Variants in NTM observed in about 807,000 individuals in gnomAD.
NTM encodes the protein IgLON family member 2.
In NTM, 13 loss-of-function variants were observed where a neutral mutation model predicts 42.1. The ratio of observed to expected loss-of-function variants is 0.31; its 90% CI spans 0.20 to 0.49. The LOEUF (loss-of-function observed/expected upper bound fraction) is 0.49. Among genes scored for constraint, NTM ranks in the 20% least tolerant of loss-of-function variants. The probability of loss-of-function intolerance (pLI) is 0.99; values close to 1 mark genes in which losing one functional copy is unlikely to be tolerated. For synonymous variants in NTM, 187 were observed against 179.2 expected (o/e 1.04, Z -0.35); for missense variants, 373 against 452.8 (o/e 0.82, Z 1.60).
chr11:132,188,809 C>G (rs551143630), intron 3 of NTM, among the ~76,000 whole-genome samples: 1 of 152,314 alleles, frequency 6.6e-6, no homozygotes, highest in African/African-American at 2.4e-5. Flanking sequence ...TTAACTGATG[C>G]TAATCTAATC....
chr11:131,683,448 C>G (rs763567620), intron 1 of NTM, among the ~76,000 whole-genome samples: 1 of 152,202 alleles, frequency 6.6e-6, no homozygotes, highest in Non-Finnish European at 1.5e-5. Flanking sequence ...CAATAGGCTC[C>G]AGAAGGAATC....
At chr11:131,978,480 C>A (rs1593347187) in intron 2 of NTM, among the ~76,000 whole-genome samples, 1 of 152,040 alleles carries the variant, frequency 6.6e-6, no homozygotes, top group East Asian at 1.9e-4. Flanking sequence ...AGAAAAAAAA[C>A]AGTAGACCTG....
At chr11:131,643,389 C>T (rs931298735) in intron 1 of NTM, among the ~76,000 whole-genome samples, 16 of 152,162 alleles carry the variant, frequency 1.1e-4, no homozygotes, top group Admixed American at 2.0e-4. Flanking sequence ...CGGGTGTGCG[C>T]GGAGCGGCCC....
At chr11:132,055,742 G>T (rs1594176503) in intron 2 of NTM, among the ~76,000 whole-genome samples, 1 of 152,094 alleles carries the variant, frequency 6.6e-6, no homozygotes, top group South Asian at 2.1e-4. Flanking sequence ...GTGGTAGTGT[G>T]CACATAAGAC....
At chr11:131,564,460 G>A (rs57055461) in intron 1 of NTM, among the ~76,000 whole-genome samples, 13,686 of 130,468 alleles carry the variant, frequency 0.1, 1,990 homozygotes, top group African/African-American at 0.39. Context: ...GAGAGAGGGA[G>A]GGAGAGAGAG....
intron 2 of NTM, among the ~76,000 whole-genome samples, chr11:132,072,077 GC>G (rs1285895774): frequency 6.6e-6 from 1 of 152,122 alleles, no homozygotes; most frequent in Non-Finnish European, 1.5e-5. Context: ...CATGCCTGAT[GC>G]CCCCAAGTCA....
intron 1 of NTM, among the ~76,000 whole-genome samples, chr11:131,442,272 C>T (rs1949682971): frequency 5.3e-5 from 8 of 152,160 alleles, no homozygotes; most frequent in Admixed American, 5.2e-4. Flanking sequence ...GAGACTGAGA[C>T]TCACATTTTA....
At chr11:131,389,473 C>T (rs1943748192) in intron 1 of NTM, among the ~76,000 whole-genome samples, 1 of 152,200 alleles carries the variant, frequency 6.6e-6, no homozygotes, top group Non-Finnish European at 1.5e-5. Flanking sequence ...CGTGAGCCGC[C>T]CTACTTCCCG....
intron 1 of NTM, among the ~76,000 whole-genome samples, chr11:131,665,322 G>C (rs1344570842): frequency 6.6e-6 from 1 of 152,144 alleles, no homozygotes; most frequent in Non-Finnish European, 1.5e-5. Flanking sequence ...AGAGATCCCT[G>C]GCAAGTGAAG....
intron 1 of NTM, among the ~76,000 whole-genome samples, chr11:131,864,008 A>G (rs2046891227): frequency 6.6e-6 from 1 of 152,034 alleles, no homozygotes; most frequent in Non-Finnish European, 1.5e-5. Flanking sequence ...TTGGCAGAAT[A>G]AGAAATGGAA....
At chr11:132,325,432 G>A (rs1303648640) in intron 7 of NTM, among the ~76,000 whole-genome samples, 1 of 152,176 alleles carries the variant, frequency 6.6e-6, no homozygotes, top group Non-Finnish European at 1.5e-5. Flanking sequence ...ACCATCACTG[G>A]CCATCAGAGA....
intron 1 of NTM, among the ~76,000 whole-genome samples, chr11:131,657,480 G>T (rs149768697): frequency 6.6e-5 from 10 of 152,222 alleles, no homozygotes; most frequent in Non-Finnish European, 1.2e-4. Flanking sequence ...AGTTTTTGTT[G>T]ATGGTCTCCA....
intron 2 of NTM, among the ~76,000 whole-genome samples, chr11:131,952,730 AAAG>A (rs1458613097): frequency 1.3e-5 from 2 of 152,236 alleles, no homozygotes; most frequent in East Asian, 1.9e-4. Flanking sequence ...TTTCTCTAAA[AAAG>A]AAGAAATTTA....
At chr11:131,814,019 A>ATAT (rs1018007644) in intron 1 of NTM, among the ~76,000 whole-genome samples, 4 of 152,238 alleles carry the variant, frequency 2.6e-5, no homozygotes, top group African/African-American at 7.2e-5. Flanking sequence ...ATTAATAATA[A>ATAT]TATTATTATT....
At chr11:132,208,468 T>C (rs2082320965) in intron 3 of NTM, among the ~76,000 whole-genome samples, 1 of 152,248 alleles carries the variant, frequency 6.6e-6, no homozygotes, top group Admixed American at 6.5e-5. Flanking sequence ...CAGCAAGCAC[T>C]TCTCAACTTC....
intron 1 of NTM, among the ~76,000 whole-genome samples, chr11:131,506,722 C>T (rs1252512783): frequency 1.3e-5 from 2 of 152,120 alleles, no homozygotes; most frequent in Admixed American, 6.5e-5. Context: ...GCAGTAGGCC[C>T]CTGGGAAAAG....
intron 7 of NTM, among the ~76,000 whole-genome samples, chr11:132,320,907 C>T (rs1367874244): frequency 1.3e-5 from 2 of 151,478 alleles, no homozygotes; most frequent in Non-Finnish European, 1.5e-5. Flanking sequence ...CACCCCCCAG[C>T]AGGGCCACAC....
At chr11:131,584,625 T>A (rs2058695572) in intron 1 of NTM, among the ~76,000 whole-genome samples, 1 of 152,248 alleles carries the variant, frequency 6.6e-6, no homozygotes. Flanking sequence ...TGTTTATTTT[T>A]TATTTGAAAA....
At chr11:132,049,599 A>T (rs536487102) in intron 2 of NTM, among the ~76,000 whole-genome samples, 38 of 152,308 alleles carry the variant, frequency 2.5e-4, no homozygotes, top group African/African-American at 8.9e-4. Flanking sequence ...AGTTATCAGC[A>T]TGGCTGGAGA....
Sources: allele counts gnomAD v4.1 joint callset (sites outside exome capture counted in the v4.1 genomes callset), GRCh38; gene constraint gnomAD v4.1.1; transcripts MANE v1.5; gene names NCBI Gene and HGNC (gene_info 2026-07-23, HGNC 2026-07-21).